The following SRGAP1 variants were observed in gnomAD, a reference collection of about 807,000 sequenced individuals.
The protein encoded by SRGAP1 is SLIT-ROBO Rho GTPase-activating protein 1.
SRGAP1 carries 43 observed loss-of-function variants against 121.9 expected under a neutral mutation model. The observed-to-expected ratio is 0.35, with a 90% CI of 0.28 to 0.46. The LOEUF is 0.46. Ranked by LOEUF, SRGAP1 falls within the 20% of genes least tolerant of loss-of-function variation. The pLI, the probability that SRGAP1 is intolerant of heterozygous loss-of-function variation, is 1.00. For missense variants in SRGAP1, 1,102 were observed against 1,350.9 expected (o/e 0.82, Z 2.89); for synonymous variants, 447 against 485.4 (o/e 0.92, Z 1.04).
chr12:64,080,880 A>C (rs1189491452), intron 10 of SRGAP1: 1 of 187,980 alleles, frequency 5.3e-6, no homozygotes, highest in Non-Finnish European at 1.1e-5. Context: ...ACAATCTTAA[A>C]GTATAAGTAG....
chr12:63,872,678 T>C (rs919379278), intron 1 of SRGAP1, among the ~76,000 whole-genome samples: 1 of 152,256 alleles, frequency 6.6e-6, no homozygotes, highest in East Asian at 1.9e-4. Flanking sequence ...TCTTTATAGA[T>C]TTATCAAGGA....
At chr12:63,959,484 A>C (rs1356785926) in intron 1 of SRGAP1, among the ~76,000 whole-genome samples, 1 of 152,212 alleles carries the variant, frequency 6.6e-6, no homozygotes, top group Non-Finnish European at 1.5e-5. Flanking sequence ...GGCACTGATC[A>C]TGAATATTTA....
chr12:64,019,362 T>C (rs1284139886), intron 4 of SRGAP1, among the ~76,000 whole-genome samples: 1 of 152,060 alleles, frequency 6.6e-6, no homozygotes, highest in African/African-American at 2.4e-5. Flanking sequence ...GCCACCAGGG[T>C]TGGAGTGACC....
At position 63,893,662 on chromosome 12, in the gene SRGAP1, C is replaced by G. The variant is rs577558855; in HGVS notation, c.67+48779C>G. ...GAGGCCAAGTGACTTGCCCAAAGTC[C>G]CTCTCTGACTGACTTGGACAAATCC... On this transcript the variant is annotated intron_variant, in intron 1 of 21. Coordinates refer to ENST00000355086, the MANE Select transcript of SRGAP1 (RefSeq NM_020762.4). 3.3e-3 allele frequency among the ~76,000 whole-genome samples: 502 copies of G among 152,066 alleles called. 2 individuals carry two copies. Among genetic ancestry groups the G allele is most frequent in the Non-Finnish European group, 6.1e-3 (414 of 67,964 alleles).
chr12:64,127,719 A>G lies in SRGAP1; in HGVS notation c.2535A>G (p.Leu845=). The G allele has an allele frequency of 1.2e-6, 2 of 1,614,114 alleles. No individual in the cohort carries two copies. The part of the protein sequence containing the change: ...SPTDRHPDGY[L]ARQRKRGEPP... ...CAGACCGTCATCCTGACGGCTATTT[A>G]GCCAGGTAAGTAGAGCCTGGGAATC... is the stretch of plus-strand genomic sequence containing the variant. Residue 845 remains leucine (L), a synonymous_variant, in exon 20 of 22, where the codon TTA becomes TTG. Transcript: ENST00000355086.
At chr12:64,081,712 A>G (rs1326745250) in intron 10 of SRGAP1, 1 of 151,822 alleles carries the variant, frequency 6.6e-6, no homozygotes, top group Non-Finnish European at 1.5e-5. Context: ...ATAAAGAAGA[A>G]CATTCTTATT....
chr12:63,859,991 G>A (rs1025522498), intron 1 of SRGAP1, among the ~76,000 whole-genome samples: 8 of 152,138 alleles, frequency 5.3e-5, no homozygotes, highest in Admixed American at 3.3e-4. Context: ...AGGTGTGTGT[G>A]TGTAAATATA....
At chr12:64,029,766 G>A (rs979151596) in intron 4 of SRGAP1, among the ~76,000 whole-genome samples, 1 of 151,970 alleles carries the variant, frequency 6.6e-6, no homozygotes, top group Non-Finnish European at 1.5e-5. Flanking sequence ...GAAGACCAAG[G>A]CAGGCAGATC....
At chr12:64,141,015 C>T (rs1366134452) in intron 21 of SRGAP1, among the ~76,000 whole-genome samples, 4 of 121,766 alleles carry the variant, frequency 3.3e-5, no homozygotes, top group South Asian at 3.0e-4. Context: ...AGTAAACTAT[C>T]GCAAGAACAA....
chr12:63,897,706 T>A (rs532875755), intron 1 of SRGAP1, among the ~76,000 whole-genome samples: 2 of 152,368 alleles, frequency 1.3e-5, no homozygotes, highest in Admixed American at 1.3e-4. Context: ...TAGTAAAATG[T>A]TTCTGCATTA....
chr12:64,051,768 T>TTC (rs756013714), intron 6 of SRGAP1, among the ~76,000 whole-genome samples: 1 of 152,122 alleles, frequency 6.6e-6, no homozygotes, highest in Non-Finnish European at 1.5e-5. Flanking sequence ...CATTCTCTCT[T>TTC]TCTCTCTCTG....
Position 64,149,405 on chromosome 12 carries a change from T to C in SRGAP1, c.*6733T>C, listed in dbSNP as rs2037095004. 6.6e-6 allele frequency: 1 copy of C among 152,228 alleles called. No homozygotes were observed. Among genetic ancestry groups the C allele is most frequent in the Non-Finnish European group, 1.5e-5 (1 of 68,052 alleles). The allele number at this position is 152,228 out of a possible 1,614,324, so 9.4% of individuals were successfully genotyped here. A position where few individuals can be genotyped will look rare whatever the true frequency, so the allele number is the denominator to read the frequency against. ...CCGATGCTGGATGCTTTTTCTTCAA[T>C]GCCTACTTTAGGACCACAGAGTTGG... On this transcript the variant is annotated 3_prime_UTR_variant, in exon 22 of 22. Coordinates refer to ENST00000355086, the MANE Select transcript of SRGAP1 (RefSeq NM_020762.4).
intron 8 of SRGAP1, among the ~76,000 whole-genome samples, chr12:64,069,628 T>TA (rs2035605252): frequency 6.6e-6 from 1 of 152,162 alleles, no homozygotes; most frequent in African/African-American, 2.4e-5. Flanking sequence ...AACTGTTTAT[T>TA]AAAACTTTGA....
chr12:63,947,799 A>G (rs2032096964), intron 1 of SRGAP1, among the ~76,000 whole-genome samples: 1 of 152,200 alleles, frequency 6.6e-6, no homozygotes. Context: ...GAATTAGCTC[A>G]TTGCACTCAC....
In SRGAP1 at chr12:64,156,316, A is replaced by G. The variant is rs796370919; in HGVS notation, c.*13644A>G. 7 of 152,322 alleles carry G rather than the reference A, an allele frequency of 4.6e-5. No homozygotes were observed. The highest frequency in any genetic ancestry group is 7.2e-5 in the African/African-American group (3 of 41,572). 9.4% of individuals were successfully genotyped at this position (152,322 alleles called of 1,614,324 possible). Reference sequence around the variant, plus strand: ...GCAGGAAGAACAATGTCAGGTGGAGAGAAGGAATTGAATGAATATTTTTAA... The same window carrying G: ...GCAGGAAGAACAATGTCAGGTGGAGGGAAGGAATTGAATGAATATTTTTAA... On this transcript the variant is annotated 3_prime_UTR_variant, in exon 22 of 22. Coordinates refer to ENST00000355086, the MANE Select transcript of SRGAP1 (RefSeq NM_020762.4).
chr12:63,952,905 C>A (rs2032343095), intron 1 of SRGAP1, among the ~76,000 whole-genome samples: 1 of 152,160 alleles, frequency 6.6e-6, no homozygotes, highest in African/African-American at 2.4e-5. Context: ...CTCAGCCCCT[C>A]AAAGTACTGG....
rs2033943311 is a variant in SRGAP1 at position 64,002,820 on chromosome 12, T to C, written c.426+12748T>C. Among the ~76,000 whole-genome samples, 3 of 152,138 alleles carry C rather than the reference T, an allele frequency of 2.0e-5. No individual in the cohort carries two copies. In the South Asian group the frequency reaches 6.2e-4, roughly 32 times the overall value. The stretch of plus-strand genomic sequence containing the variant: ...TCCTGATAGAATAAAATTATCAGAA[T>C]TCTGTATATGGTTTAAACAAGACTA... On this transcript the variant is annotated intron_variant, in intron 3 of 21. Transcript: ENST00000355086.
chr12:64,084,523 A>G (rs889993820), intron 10 of SRGAP1, among the ~76,000 whole-genome samples: 10 of 152,208 alleles, frequency 6.6e-5, no homozygotes, highest in African/African-American at 2.4e-4. Context: ...AACCTCATTC[A>G]TCAGTTGAGA....
At chr12:64,093,732 A>C (rs2036098892) in intron 12 of SRGAP1, among the ~76,000 whole-genome samples, 1 of 152,180 alleles carries the variant, frequency 6.6e-6, no homozygotes, top group Non-Finnish European at 1.5e-5. Context: ...TTGTGCTCCT[A>C]AAACAAATTA....
Sources: gnomAD v4.1 joint callset for allele counts (sites outside exome capture counted in the v4.1 genomes callset) on GRCh38, gnomAD v4.1.1 for gene constraint, MANE v1.5 for transcripts, NCBI Gene and HGNC (gene_info 2026-07-23, HGNC 2026-07-21) for gene names.